TRPM8: variants seen among roughly 807,000 people sequenced by gnomAD.
TRPM8 encodes the protein transient receptor potential cation channel subfamily M member 8, also known as TRPM8 cationic channel.
A neutral mutation model predicts 133.7 loss-of-function variants in TRPM8; 110 were observed. The ratio of observed to expected loss-of-function variants is 0.82; its 90% confidence interval spans 0.70 to 0.96. The LOEUF (loss-of-function observed/expected upper bound fraction) is 0.96. Ranked by LOEUF, TRPM8 falls within the 40% of genes least tolerant of loss-of-function variation. The pLI, the probability that TRPM8 is intolerant of heterozygous loss-of-function variation, is 0.00. For missense variants in TRPM8, 1,291 were observed against 1,379.5 expected, an observed-to-expected ratio of 0.94 and a Z score of 1.02; for synonymous variants, 535 against 532.3, an observed-to-expected ratio of 1.01 and a Z score of -0.07.
Position 233,926,606 on chromosome 2 carries a change from C to T in TRPM8, c.69C>T (p.Thr23=), listed in dbSNP as rs201960752. The change falls in exon 2 of 26, where the codon ACC becomes ACT. Residue 23 remains threonine, a synonymous_variant. Coordinates refer to ENST00000324695, the MANE Select transcript of TRPM8 (RefSeq NM_024080.5). ...ATGACACTCTGGACAGCACCCGGACCCTGTACTCCAGCGCGTCTCGGAGCA... is the reference window on the plus strand; with the variant it reads ...ATGACACTCTGGACAGCACCCGGACTCTGTACTCCAGCGCGTCTCGGAGCA... The part of the protein sequence containing the change: ...RRNDTLDSTR[T]LYSSASRSTD... 2.5e-6 allele frequency: 4 copies of T among 1,614,024 alleles called. No homozygotes were observed. The African/African-American group carries it at 5.3e-5, about 22-fold the overall frequency.
chr2:233,940,154 T>G (rs7595960), intron 5 of TRPM8, among the ~76,000 whole-genome samples: 2 of 151,790 alleles, frequency 1.3e-5, no homozygotes, highest in African/African-American at 4.8e-5. Context: ...CTGTCTCTCA[T>G]TGTGGATTTG....
At chr2:233,968,853 G>T (rs1691638634) in intron 15 of TRPM8, among the ~76,000 whole-genome samples, 1 of 152,064 alleles carries the variant, frequency 6.6e-6, no homozygotes, top group African/African-American at 2.4e-5. Flanking sequence ...AACGTCAAGG[G>T]TTGATACAGT....
At position 233,939,179 on chromosome 2, in the gene TRPM8, A is replaced by T. The variant is rs2302153; in HGVS notation, c.526+4A>T. 6.2e-7 allele frequency: 1 copy of T among 1,612,918 alleles called. No individual in the cohort carries two copies. Among genetic ancestry groups the T allele is most frequent in the African/African-American group, 1.3e-5 (1 of 74,912 alleles). ...ATCTACATCGCGCAGTCCAAAGGTGAGGGTGGGAGCAGCGACCGCGGGTTC... is the reference window on the plus strand; with the variant it reads ...ATCTACATCGCGCAGTCCAAAGGTGTGGGTGGGAGCAGCGACCGCGGGTTC... On this transcript the variant is annotated splice_donor_region_variant and intron_variant, in intron 5 of 25. Coordinates refer to ENST00000324695, the MANE Select transcript of TRPM8 (RefSeq NM_024080.5).
At chr2:233,926,193 C>A (rs1381383992) in intron 1 of TRPM8, among the ~76,000 whole-genome samples, 2 of 152,198 alleles carry the variant, frequency 1.3e-5, no homozygotes, top group Non-Finnish European at 2.9e-5. Flanking sequence ...AGATGGAGTG[C>A]ACTGTGATGC....
At chr2:233,921,091 C>A (rs1223933517) in intron 1 of TRPM8, among the ~76,000 whole-genome samples, 1 of 152,028 alleles carries the variant, frequency 6.6e-6, no homozygotes. Context: ...GAACTCCTGA[C>A]CTCAGGCGAT....
At chr2:234,008,198 A>G (rs1692743987) in intron 24 of TRPM8, 95 bp downstream of exon 24, 2 of 1,241,452 alleles carry the variant, frequency 1.6e-6, no homozygotes, top group Non-Finnish European at 2.3e-6. Context: ...TAATAAAAGA[A>G]GTTATATTCA....
intron 24 of TRPM8, among the ~76,000 whole-genome samples, chr2:234,009,814 C>G (rs575546993): frequency 6.6e-6 from 1 of 152,062 alleles, no homozygotes; most frequent in Admixed American, 6.5e-5. Context: ...TATTTTTAAA[C>G]AGCTTTATTG....
intron 1 of TRPM8, among the ~76,000 whole-genome samples, chr2:233,920,616 G>A (rs1691387813): frequency 1.3e-5 from 2 of 152,204 alleles, no homozygotes; most frequent in African/African-American, 4.8e-5. Flanking sequence ...TTGCATGGCT[G>A]TGCAGGGATA....
chr2:233,938,588 C>T (rs1664991021), intron 4 of TRPM8, among the ~76,000 whole-genome samples: 2 of 152,150 alleles, frequency 1.3e-5, no homozygotes, highest in South Asian at 2.1e-4. Flanking sequence ...GAAGCAAAGG[C>T]GGGACAACTC....
intron 14 of TRPM8, chr2:233,966,122 T>C (rs1050493020): frequency 2.6e-5 from 4 of 155,902 alleles, no homozygotes; most frequent in African/African-American, 9.6e-5. Flanking sequence ...AGTGCTGGGA[T>C]TACAGGTGTG....
chr2:234,011,773 C>T (rs867560759), intron 24 of TRPM8, among the ~76,000 whole-genome samples: 14 of 151,812 alleles, frequency 9.2e-5, no homozygotes, highest in Middle Eastern at 3.4e-3. Context: ...AAAAATTAGC[C>T]GGGTGTGGTG....
chr2:234,010,832 TG>T (rs926366648), intron 24 of TRPM8, among the ~76,000 whole-genome samples: 1 of 152,234 alleles, frequency 6.6e-6, no homozygotes, highest in African/African-American at 2.4e-5. Context: ...TTTGTATTTT[TG>T]GTATTGAGTT....
At chr2:233,938,048 TAGGTGACCCAGCCCATGGCATCCCTGGG>T (rs1329194130) in intron 4 of TRPM8, among the ~76,000 whole-genome samples, 12 of 152,232 alleles carry the variant, frequency 7.9e-5, no homozygotes, top group Non-Finnish European at 1.5e-4. Flanking sequence ...GCATTCCTGG[TAGGTGACCCAGCCCATGGCATCCCTGGG>T]AGGTGACCCA....
intron 19 of TRPM8, 44 bp downstream of exon 19, chr2:233,981,959 C>T (rs1341933338): frequency 1.3e-6 from 2 of 1,548,274 alleles, no homozygotes; most frequent in Admixed American, 2.1e-5. Context: ...TCTTGCGGGG[C>T]CCAGAGTTCT....
intron 9 of TRPM8, 37 bp downstream of exon 9, chr2:233,950,183 TAAGAC>T (rs761748720): frequency 5.0e-6 from 8 of 1,587,578 alleles, no homozygotes; most frequent in Non-Finnish European, 6.9e-6. Context: ...GCTGAGAAAA[TAAGAC>T]AAGTTGGTGA....
At chr2:233,951,471 A>G (rs1160482304) in intron 9 of TRPM8, among the ~76,000 whole-genome samples, 1 of 151,810 alleles carries the variant, frequency 6.6e-6, no homozygotes, top group Non-Finnish European at 1.5e-5. Context: ...CCTTCCTCTT[A>G]CTCCTTGTAC....
At chr2:233,969,869 CAT>C in intron 16 of TRPM8, 62 bp downstream of exon 16, 2 of 988,142 alleles carry the variant, frequency 2.0e-6, no homozygotes, top group Admixed American at 1.8e-5. Flanking sequence ...CATGCATCCA[CAT>C]ATGTGTGCTC....
Position 233,928,850 on chromosome 2 carries a change from T to C in TRPM8, c.118-1818T>C, listed in dbSNP as rs1691623698. Among the ~76,000 whole-genome samples, 4 of 152,208 alleles carry C rather than the reference T, an allele frequency of 2.6e-5. No individual in the cohort carries two copies. In the South Asian group the frequency reaches 8.3e-4, roughly 31 times the overall value. On this transcript the variant is annotated intron_variant, in intron 2 of 25. Coordinates refer to ENST00000324695, the MANE Select transcript of TRPM8 (RefSeq NM_024080.5). Reference sequence around the variant, plus strand: ...CTGTCAGAGGTTATAACCACTATCCTGAATTTTTTGTTACCCATTCCTTGC... The same window carrying C: ...CTGTCAGAGGTTATAACCACTATCCCGAATTTTTTGTTACCCATTCCTTGC...
chr2:234,004,407 T>G (rs1692641730), intron 22 of TRPM8, among the ~76,000 whole-genome samples: 1 of 152,222 alleles, frequency 6.6e-6, no homozygotes, highest in South Asian at 2.1e-4. Flanking sequence ...AGATGACTAA[T>G]GCCTGAAACC....
Sources: allele counts gnomAD v4.1 joint callset (sites outside exome capture counted in the v4.1 genomes callset), GRCh38; gene constraint gnomAD v4.1.1; transcripts MANE v1.5; gene names NCBI Gene and HGNC (gene_info 2026-07-23, HGNC 2026-07-21).